Variants in IGF1R observed in about 807,000 individuals in gnomAD.
The protein encoded by IGF1R is insulin like growth factor 1 receptor, also known as insulin-like growth factor 1 receptor.
In IGF1R, 44 loss-of-function variants were observed where a neutral mutation model predicts 144.6. The ratio of observed to expected loss-of-function variants is 0.30; its 90% confidence interval spans 0.24 to 0.39. IGF1R has a LOEUF of 0.39. IGF1R is among the 10% of genes least tolerant of loss of function. The pLI, the probability that IGF1R is intolerant of heterozygous loss-of-function variation, is 1.00. For missense variants in IGF1R, 1,355 were observed against 1,833.7 expected, an observed-to-expected ratio of 0.74 and a Z score of 4.77; for synonymous variants, 795 against 722.8, an observed-to-expected ratio of 1.10 and a Z score of -1.60.
intron 1 of IGF1R, among the ~76,000 whole-genome samples, chr15:98,654,741 G>C (rs2052446293): frequency 6.6e-6 from 1 of 152,144 alleles, no homozygotes; most frequent in South Asian, 2.1e-4. Flanking sequence ...GAGTCCAGGG[G>C]ATGAGCTCTT....
chr15:98,684,484 C>T (rs568564879), intron 1 of IGF1R, among the ~76,000 whole-genome samples: 1 of 152,240 alleles, frequency 6.6e-6, no homozygotes, highest in South Asian at 2.1e-4. Context: ...TCAGCCAGTA[C>T]TCTTTCCAGG....
At chr15:98,746,953 CTT>C (rs1264780310) in intron 2 of IGF1R, among the ~76,000 whole-genome samples, 1 of 152,214 alleles carries the variant, frequency 6.6e-6, no homozygotes, top group Non-Finnish European at 1.5e-5. Context: ...CATCATATCT[CTT>C]GAGTTGAACC....
chr15:98,949,280 A>G (rs976067213), intron 20 of IGF1R, among the ~76,000 whole-genome samples: 1 of 151,890 alleles, frequency 6.6e-6, no homozygotes, highest in Admixed American at 6.6e-5. Context: ...TGCTCTCCGG[A>G]GCTTCATCCG....
intron 4 of IGF1R, among the ~76,000 whole-genome samples, 174 bp from the exon 5 acceptor site, chr15:98,899,300 CGTT>C (rs1441953729): frequency 2.0e-5 from 3 of 152,192 alleles, no homozygotes; most frequent in Non-Finnish European, 4.4e-5. Context: ...TTCCAGGAGT[CGTT>C]GTTGAGAGTC....
intron 17 of IGF1R, among the ~76,000 whole-genome samples, chr15:98,938,454 T>G (rs140883181): frequency 3.9e-5 from 6 of 152,364 alleles, no homozygotes; most frequent in African/African-American, 1.4e-4. Flanking sequence ...TTTTTCTAAA[T>G]GGATGTATTA....
At chr15:98,882,199 C>G (rs531445213) in intron 2 of IGF1R, among the ~76,000 whole-genome samples, 1 of 152,188 alleles carries the variant, frequency 6.6e-6, no homozygotes, top group Admixed American at 6.5e-5. Context: ...AGAGGGAAGC[C>G]GTGACCGTCA....
At chr15:98,842,169 C>G (rs774586630) in intron 2 of IGF1R, among the ~76,000 whole-genome samples, 1 of 152,240 alleles carries the variant, frequency 6.6e-6, no homozygotes, top group African/African-American at 2.4e-5. Flanking sequence ...AGGTGATGCA[C>G]TTTCTTGGCA....
Position 98,649,343 on chromosome 15 carries a change from G to T in IGF1R, c.-239G>T. On this transcript the variant is annotated 5_prime_UTR_variant, in exon 1 of 21. Coordinates refer to ENST00000650285, the MANE Select transcript of IGF1R (RefSeq NM_000875.5). ...CGCCTCGGGTTCCCGACTCCGCCGA[G>T]CCCTGGGCCGCTGCTGCCGGCGCTG... 4.5e-6 allele frequency: 1 copy of T among 221,706 alleles called. No individual in the cohort carries two copies. Among genetic ancestry groups the T allele is most frequent in the Non-Finnish European group, 8.8e-6 (1 of 113,646 alleles). The allele number at this position is 221,706 out of a possible 1,614,324, so 13.7% of individuals were successfully genotyped here. A position where few individuals can be genotyped will look rare whatever the true frequency, so the allele number is the denominator to read the frequency against.
intron 3 of IGF1R, among the ~76,000 whole-genome samples, chr15:98,893,688 T>A (rs1194294583): frequency 6.6e-6 from 1 of 152,226 alleles, no homozygotes; most frequent in African/African-American, 2.4e-5. Flanking sequence ...CTTCAGTCGT[T>A]CTGCAGCCAC....
At chr15:98,675,688 A>C (rs1567069883) in intron 1 of IGF1R, among the ~76,000 whole-genome samples, 2 of 152,062 alleles carry the variant, frequency 1.3e-5, no homozygotes, top group Non-Finnish European at 2.9e-5. Flanking sequence ...TAATTCTTTA[A>C]TACTTCTAGA....
chr15:98,748,750 A>G (rs1282556645), intron 2 of IGF1R, among the ~76,000 whole-genome samples: 1 of 152,230 alleles, frequency 6.6e-6, no homozygotes, highest in African/African-American at 2.4e-5. Flanking sequence ...TAGTTAGTCC[A>G]TTGGCAATGG....
intron 19 of IGF1R, among the ~76,000 whole-genome samples, chr15:98,946,257 A>T (rs2151723587): frequency 6.6e-6 from 1 of 152,022 alleles, no homozygotes; most frequent in African/African-American, 2.4e-5. Context: ...GCATGGCAGT[A>T]GGGAGCACCT....
intron 11 of IGF1R, among the ~76,000 whole-genome samples, chr15:98,922,669 A>G (rs1158473517): frequency 2.6e-5 from 4 of 152,228 alleles, no homozygotes; most frequent in Non-Finnish European, 5.9e-5. Context: ...TGCTGGGAGC[A>G]GGGAGCTGTC....
At position 98,690,765 on chromosome 15, in the gene IGF1R, A is replaced by C. The variant is rs376837301; in HGVS notation, c.95-16797A>C. On this transcript the variant is annotated intron_variant, in intron 1 of 20. Coordinates refer to ENST00000650285, the MANE Select transcript of IGF1R (RefSeq NM_000875.5). ...CGGAAGGAACTACTGGCCCATCAGC[A>C]TGTCTCCTTCCAGGCATTTTTTCCA... Among the ~76,000 whole-genome samples the C allele has an allele frequency of 3.3e-5, 5 of 152,132 alleles. No homozygotes were observed. The East Asian group carries it at 5.8e-4, about 18-fold the overall frequency.
intron 2 of IGF1R, among the ~76,000 whole-genome samples, chr15:98,855,404 G>C (rs1443046578): frequency 2.0e-5 from 3 of 152,210 alleles, no homozygotes; most frequent in Non-Finnish European, 4.4e-5. Flanking sequence ...CCCTGAATTC[G>C]TGCCTTGCAG....
chr15:98,818,822 A>G (rs1282746822), intron 2 of IGF1R, among the ~76,000 whole-genome samples: 1 of 132,218 alleles, frequency 7.6e-6, no homozygotes, highest in Non-Finnish European at 1.6e-5. Context: ...GGGTGGGGAG[A>G]CCAAAATTGT....
Position 98,704,718 on chromosome 15 carries a change from A to C in IGF1R, c.95-2844A>C, listed in dbSNP as rs1467411626. ...TGCGGTGAGAGAGACCATGAAAAGAAGGGCCAGAGCGGTGTCCTGCAGAGG... is the reference window on the plus strand; with the variant it reads ...TGCGGTGAGAGAGACCATGAAAAGACGGGCCAGAGCGGTGTCCTGCAGAGG... On this transcript the variant is annotated intron_variant, in intron 1 of 20. Coordinates refer to ENST00000650285, the MANE Select transcript of IGF1R (RefSeq NM_000875.5). The surrounding 1 kb of genome is among the most constrained non-coding windows in gnomAD (Gnocchi z 4.9). 6.6e-6 allele frequency among the ~76,000 whole-genome samples: 1 copy of C among 152,188 alleles called. No homozygotes were observed. The highest frequency in any genetic ancestry group is 1.5e-5 in the Non-Finnish European group (1 of 68,034).
chr15:98,772,940 T>C (rs2055625249), intron 2 of IGF1R, among the ~76,000 whole-genome samples: 1 of 152,194 alleles, frequency 6.6e-6, no homozygotes, highest in Non-Finnish European at 1.5e-5. Flanking sequence ...TTAATACTCC[T>C]TGATTCAAAT....
intron 2 of IGF1R, among the ~76,000 whole-genome samples, chr15:98,792,046 A>G (rs1372844939): frequency 1.3e-5 from 2 of 152,234 alleles, no homozygotes; most frequent in Non-Finnish European, 2.9e-5. Context: ...CAGCTAGTTA[A>G]GAGAAAAATC....
Sources: gnomAD v4.1 joint callset for allele counts (sites outside exome capture counted in the v4.1 genomes callset) on GRCh38, gnomAD v4.1.1 for gene constraint, Gnocchi (gnomAD v3.1) non-coding constraint, MANE v1.5 for transcripts, NCBI Gene and HGNC (gene_info 2026-07-23, HGNC 2026-07-21) for gene names.